Variants in SEPTIN9 observed in about 807,000 individuals in gnomAD.
The protein encoded by SEPTIN9 is septin-9.
In SEPTIN9, 13 loss-of-function variants were observed where a neutral mutation model predicts 56.6. That is an observed-to-expected ratio of 0.23 (90% CI 0.15 to 0.37). The LOEUF (loss-of-function observed/expected upper bound fraction) is 0.37. SEPTIN9 is among the 10% of genes least tolerant of loss of function. The pLI is 1.00. For synonymous variants in SEPTIN9, 332 were observed against 334.1 expected, an observed-to-expected ratio of 0.99 and a Z score of 0.07; for missense variants, 650 against 823.1, an observed-to-expected ratio of 0.79 and a Z score of 2.57.
intron 2 of SEPTIN9, chr17:77,320,256 G>C: frequency 5.0e-6 from 8 of 1,611,732 alleles, no homozygotes; most frequent in Non-Finnish European, 6.8e-6. Flanking sequence ...AGGGCGACGG[G>C]GGTGAGAAAG....
intron 2 of SEPTIN9, among the ~76,000 whole-genome samples, chr17:77,394,132 A>G (rs1271444852): frequency 5.3e-5 from 8 of 152,170 alleles, no homozygotes; most frequent in Non-Finnish European, 1.2e-4. Context: ...TAGGAGGTGA[A>G]GGAGCCTTTG....
intron 1 of SEPTIN9, among the ~76,000 whole-genome samples, chr17:77,298,042 C>T (rs1297589138): frequency 1.3e-5 from 2 of 152,170 alleles, no homozygotes; most frequent in African/African-American, 2.4e-5. Context: ...GAGGGAGACG[C>T]AGGTCAAAGA....
Position 77,313,360 on chromosome 17 carries a change from T to C in SEPTIN9, c.76+6163T>C, listed in dbSNP as rs1244069458. ...GTCTTGGTTTCCTTCCACGCTGACC[T>C]GGAAGGACTCCTAAAGCAACAGGCC... On this transcript the variant is annotated intron_variant, in intron 2 of 11. Transcript: ENST00000427177. The surrounding 1 kb of genome is among the most constrained non-coding windows in gnomAD (Gnocchi z 4.5). 6.6e-6 allele frequency among the ~76,000 whole-genome samples: 1 copy of C among 152,230 alleles called. No homozygotes were observed.
rs1568117217 is a variant in SEPTIN9 at position 77,488,740 on chromosome 17, A to C, written c.1138A>C (p.Met380Leu). 1 of 1,613,820 alleles carries C rather than the reference A, an allele frequency of 6.2e-7. No homozygotes were observed. ...TCCCCCACGCAGCTGGCAGCCCATC[A>C]TGAAGTTCATCAATGACCAGTACGA... ...INNENCWQPIMKFINDQYEKY... is the reference protein window; with the variant it reads ...INNENCWQPILKFINDQYEKY... The change falls in exon 7 of 12, where the codon ATG (methionine) becomes CTG (leucine). Residue 380 changes from methionine (M) to leucine (L), a missense_variant. By Grantham distance (15) the Met-to-Leu change is conservative. This residue lies in a region of SEPTIN9 where 333 missense variants were observed against 494.0 expected (regional missense o/e 0.67). Transcript: ENST00000427177.
chr17:77,444,665 C>T (rs1278728050), intron 3 of SEPTIN9: 7 of 184,314 alleles, frequency 3.8e-5, no homozygotes, highest in Non-Finnish European at 5.8e-5. Flanking sequence ...CTAGGGAATA[C>T]GGAGGGGAGA....
intron 3 of SEPTIN9, among the ~76,000 whole-genome samples, chr17:77,441,894 T>C (rs2037560888): frequency 6.6e-6 from 1 of 152,148 alleles, no homozygotes; most frequent in Admixed American, 6.5e-5. Context: ...TTGCCGGCTG[T>C]GGGTGGGACA....
chr17:77,486,694 T>C (rs1029413292), intron 4 of SEPTIN9, among the ~76,000 whole-genome samples: 1 of 151,992 alleles, frequency 6.6e-6, no homozygotes, highest in African/African-American at 2.4e-5. Flanking sequence ...GTTGTGTGTG[T>C]TGTGTTGCAT....
chr17:77,299,769 A>C (rs1326421121), intron 1 of SEPTIN9, among the ~76,000 whole-genome samples: 1 of 152,204 alleles, frequency 6.6e-6, no homozygotes, highest in Non-Finnish European at 1.5e-5. Context: ...CCTGCTGCCC[A>C]TGCAGGCAGA....
At chr17:77,491,753 C>A (rs1032488876) in intron 8 of SEPTIN9, among the ~76,000 whole-genome samples, 1 of 149,034 alleles carries the variant, frequency 6.7e-6, no homozygotes, top group African/African-American at 2.5e-5. Flanking sequence ...CTTCAGTGAG[C>A]CGAGATTGAG....
rs148435286 is a variant in SEPTIN9, at chr17:77,391,795, G to A, written c.77-10264G>A. On this transcript the variant is annotated intron_variant, in intron 2 of 11. Coordinates refer to ENST00000427177, the MANE Select transcript of SEPTIN9 (RefSeq NM_001113491.2). ...GACTGTAGCTGGGCTGGGGAAAGCT[G>A]CTGGTTCAAGCTGGGGCTGGTTCAG... Among the ~76,000 whole-genome samples the A allele has an allele frequency of 2.5e-3, 384 of 152,340 alleles. 2 individuals carry two copies. Among genetic ancestry groups the A allele is most frequent in the African/African-American group, 8.8e-3 (364 of 41,556 alleles).
intron 3 of SEPTIN9, among the ~76,000 whole-genome samples, chr17:77,419,328 G>C (rs547534741): frequency 6.6e-6 from 1 of 150,520 alleles, no homozygotes; most frequent in East Asian, 1.9e-4. Flanking sequence ...TGGCAACCCA[G>C]CTGGAGGAGG....
intron 3 of SEPTIN9, among the ~76,000 whole-genome samples, chr17:77,479,888 C>T (rs2039381413): frequency 6.6e-6 from 1 of 152,170 alleles, no homozygotes; most frequent in Non-Finnish European, 1.5e-5. Context: ...TGAACTGCTG[C>T]CCCGCAAGGC....
At chr17:77,488,188 C>A (rs1337968932) in intron 5 of SEPTIN9, 52 bp from the exon 6 acceptor site, 7 of 1,558,978 alleles carry the variant, frequency 4.5e-6, no homozygotes, top group Non-Finnish European at 6.2e-6. Context: ...TGTGGGGTGT[C>A]TGTGAGGGTC....
At position 77,425,992 on chromosome 17, in the gene SEPTIN9, G is replaced by A. The variant is rs2036893992; in HGVS notation, c.721+23289G>A. ...TTCAGGCCATGCCCTCAGACTGGAG[G>A]ATAGGATCGGAACAGTGGGTCAGGA... On this transcript the variant is annotated intron_variant, in intron 3 of 11. Transcript: ENST00000427177. This position sits in a 1 kb window ranked among gnomAD's most constrained non-coding sequence, Gnocchi z 4.2. Among the ~76,000 whole-genome samples the A allele has an allele frequency of 6.6e-6, 1 of 152,174 alleles. No individual in the cohort carries two copies. The highest frequency in any genetic ancestry group is 2.1e-4 in the South Asian group (1 of 4,832).
At position 77,411,758 on chromosome 17, in the gene SEPTIN9, G is replaced by GC. The variant is rs539641003; in HGVS notation, c.721+9055_721+9056insC. Among the ~76,000 whole-genome samples, 308 of 152,308 alleles carry GC rather than the reference G, an allele frequency of 2.0e-3. 12 individuals are homozygous for GC. In the South Asian group the frequency reaches 0.053, roughly 26 times the overall value. ...CTGTGATTGAGAGGCTGCAACAGAT[G>GC]TTCTCGCACTTGTACATGTGCACAC... On this transcript the variant is annotated intron_variant, in intron 3 of 11. Coordinates refer to ENST00000427177, the MANE Select transcript of SEPTIN9 (RefSeq NM_001113491.2).
intron 3 of SEPTIN9, among the ~76,000 whole-genome samples, chr17:77,481,315 G>A (rs1485818759): frequency 6.6e-6 from 1 of 152,372 alleles, no homozygotes; most frequent in South Asian, 2.1e-4. Context: ...CTTGGTCTTG[G>A]CCTGTGGGTG....
chr17:77,389,017 G>C lies in SEPTIN9; in HGVS notation c.77-13042G>C, dbSNP rs1598295236. Among the ~76,000 whole-genome samples, 1 of 152,006 alleles carries C rather than the reference G, an allele frequency of 6.6e-6. No homozygotes were observed. Among genetic ancestry groups the C allele is most frequent in the Non-Finnish European group, 1.5e-5 (1 of 67,986 alleles). On this transcript the variant is annotated intron_variant, in intron 2 of 11. Transcript: ENST00000427177. This position sits in a 1 kb window ranked among gnomAD's most constrained non-coding sequence, Gnocchi z 4.3. ...GGACCCTCACACCGATGCTGCCTGT[G>C]CCTGGCAGCTCTGTCCCGGGCCTCA...
At chr17:77,406,198 C>T (rs1434972776) in intron 3 of SEPTIN9, among the ~76,000 whole-genome samples, 5 of 152,228 alleles carry the variant, frequency 3.3e-5, no homozygotes, top group Non-Finnish European at 5.9e-5. Flanking sequence ...GGCCCCTCCA[C>T]GGTTGATTCA....
At chr17:77,454,533 C>T (rs1191826245) in intron 3 of SEPTIN9, 3 of 231,128 alleles carry the variant, frequency 1.3e-5, no homozygotes, top group African/African-American at 2.3e-5. Context: ...CTCGCCCCCA[C>T]CCAGGAAGCA....
Sources: allele counts gnomAD v4.1 joint callset (sites outside exome capture counted in the v4.1 genomes callset), GRCh38; gene constraint gnomAD v4.1.1; regional missense constraint gnomAD v4.1.1; non-coding constraint Gnocchi (gnomAD v3.1); transcripts MANE v1.5; gene names NCBI Gene and HGNC (gene_info 2026-07-23, HGNC 2026-07-21).